Variants in BCAS1 observed in about 807,000 individuals in gnomAD.
BCAS1 encodes brain enriched myelin associated protein 1, also known as breast carcinoma-amplified sequence 1.
A neutral mutation model predicts 65.4 loss-of-function variants in BCAS1; 46 were observed. The observed-to-expected ratio is 0.70, with a 90% CI of 0.55 to 0.90. The LOEUF (loss-of-function observed/expected upper bound fraction) is 0.90. Ranked by LOEUF, BCAS1 falls within the 40% of genes least tolerant of loss-of-function variation. The probability of loss-of-function intolerance (pLI) is 0.00; values close to 1 mark genes in which losing one functional copy is unlikely to be tolerated. For synonymous variants in BCAS1, 298 were observed against 293.5 expected (o/e 1.02, Z -0.16); for missense variants, 793 against 771.2 (o/e 1.03, Z -0.33).
At chr20:53,966,454 A>C (rs769940715) in intron 10 of BCAS1, among the ~76,000 whole-genome samples, 7 of 152,208 alleles carry the variant, frequency 4.6e-5, no homozygotes, top group Non-Finnish European at 8.8e-5. Context: ...AAAAAATGAT[A>C]TAATGGACTT....
chr20:53,975,950 C>G (rs140384405), intron 8 of BCAS1, among the ~76,000 whole-genome samples: 1 of 152,176 alleles, frequency 6.6e-6, no homozygotes, highest in Non-Finnish European at 1.5e-5. Context: ...CAGGGGCCAG[C>G]AGCAGGGGCC....
chr20:54,051,364 T>C (rs554427549), intron 3 of BCAS1, among the ~76,000 whole-genome samples: 2 of 152,306 alleles, frequency 1.3e-5, no homozygotes, highest in Admixed American at 6.5e-5. Context: ...GTGGTCCTAC[T>C]TGAAGTTGTC....
At chr20:54,060,541 C>T (rs1052329390) in intron 1 of BCAS1, among the ~76,000 whole-genome samples, 3 of 150,156 alleles carry the variant, frequency 2.0e-5, no homozygotes, top group East Asian at 2.0e-4. Flanking sequence ...AGACTGGTCT[C>T]GAGTGCCTGG....
chr20:54,029,340 G>T, intron 3 of BCAS1: 1 of 585,788 alleles, frequency 1.7e-6, no homozygotes, highest in Non-Finnish European at 2.2e-6. Context: ...GGGTTCTGGA[G>T]CTAGAACAAG....
At chr20:53,958,734 T>G (rs1292771011) in intron 10 of BCAS1, among the ~76,000 whole-genome samples, 6 of 152,244 alleles carry the variant, frequency 3.9e-5, no homozygotes, top group Non-Finnish European at 7.3e-5. Flanking sequence ...ATTATTTCAT[T>G]TATTCATTAT....
At chr20:53,954,585 G>A (rs1369802401) in intron 11 of BCAS1, among the ~76,000 whole-genome samples, 1 of 152,080 alleles carries the variant, frequency 6.6e-6, no homozygotes, top group African/African-American at 2.4e-5. Flanking sequence ...ATCGTTTTTT[G>A]TCAAACTGAA....
At chr20:54,047,531 T>C (rs1478312799) in intron 3 of BCAS1, among the ~76,000 whole-genome samples, 1 of 152,214 alleles carries the variant, frequency 6.6e-6, no homozygotes, top group Non-Finnish European at 1.5e-5. Flanking sequence ...CCCAGGGCTC[T>C]TGCTCACTCC....
chr20:53,973,166 T>C (rs1600746049), intron 9 of BCAS1, among the ~76,000 whole-genome samples: 1 of 152,092 alleles, frequency 6.6e-6, no homozygotes, highest in Non-Finnish European at 1.5e-5. Flanking sequence ...TGGGTGGAGG[T>C]TGCAGTGAGC....
chr20:53,950,987 A>T (rs569302281), intron 12 of BCAS1, among the ~76,000 whole-genome samples: 43 of 152,352 alleles, frequency 2.8e-4, no homozygotes, highest in African/African-American at 9.9e-4. Context: ...GATTCTAAAT[A>T]TTCTACAAAT....
chr20:54,065,433 C>A (rs754540696), intron 1 of BCAS1, among the ~76,000 whole-genome samples: 3 of 152,196 alleles, frequency 2.0e-5, no homozygotes, highest in Non-Finnish European at 4.4e-5. Flanking sequence ...TTTGGAAATG[C>A]CTGCATGCAG....
Position 53,995,925 on chromosome 20 carries a change from A to C in BCAS1, c.849T>G (p.Asn283Lys). Residue 283 changes from asparagine to lysine, a missense_variant, in exon 5 of 13, where the codon AAT (asparagine) becomes AAG (lysine). Coordinates refer to ENST00000688948, the MANE Select transcript of BCAS1 (RefSeq NM_001366298.2). ...TAAAGAAACTCATGATGGAATTATT[A>C]TTCTCTGCTATAGCTGCTGCCTGGG... ...DDSQAAAIAE[N>K]NNSIMSFFKT... 1 of 1,612,056 alleles carries C rather than the reference A, an allele frequency of 6.2e-7. No individual in the cohort carries two copies. Among genetic ancestry groups the C allele is most frequent in the South Asian group, 1.1e-5 (1 of 90,694 alleles).
At chr20:53,966,756 G>T in intron 10 of BCAS1, 150 bp downstream of exon 10, 3 of 689,292 alleles carry the variant, frequency 4.4e-6, no homozygotes, top group Non-Finnish European at 7.0e-6. Flanking sequence ...AGGAAGAAAG[G>T]GAATTTTCTC....
At chr20:54,016,872 G>A (rs760678937) in intron 4 of BCAS1, among the ~76,000 whole-genome samples, 54 of 152,128 alleles carry the variant, frequency 3.5e-4, no homozygotes, top group Non-Finnish European at 6.8e-4. Context: ...ATTGAACCAA[G>A]CCGGGTTGGA....
Position 53,943,980 on chromosome 20 carries a change from G to A in BCAS1, c.*942C>T, listed in dbSNP as rs1217179844. On this transcript the variant is annotated 3_prime_UTR_variant, in exon 13 of 13. Transcript: ENST00000688948. ...TTTTTTATTTATTTTTTTTTTTTAA[G>A]TTGTAATCTTTGCCGTTGTCACTGA... The A allele has an allele frequency of 2.7e-5, 4 of 150,600 alleles. No individual in the cohort carries two copies. Among genetic ancestry groups the A allele is most frequent in the African/African-American group, 9.8e-5 (4 of 40,716 alleles). The allele number at this position is 150,600 out of a possible 1,614,324, so 9.3% of individuals were successfully genotyped here. A position where few individuals can be genotyped will look rare whatever the true frequency, so the allele number is the denominator to read the frequency against.
At chr20:54,043,970 T>C (rs1381858862) in intron 3 of BCAS1, among the ~76,000 whole-genome samples, 1 of 152,252 alleles carries the variant, frequency 6.6e-6, no homozygotes, top group Admixed American at 6.5e-5. Context: ...CTGCTTTTAT[T>C]GATAAACTTC....
At chr20:54,007,716 A>G (rs537775545) in intron 4 of BCAS1, among the ~76,000 whole-genome samples, 6 of 151,790 alleles carry the variant, frequency 4.0e-5, no homozygotes, top group Non-Finnish European at 8.8e-5. Context: ...CCTTACTTTG[A>G]AATATTTTTT....
At chr20:54,044,462 A>G (rs1185846815) in intron 3 of BCAS1, among the ~76,000 whole-genome samples, 1 of 152,256 alleles carries the variant, frequency 6.6e-6, no homozygotes, top group Non-Finnish European at 1.5e-5. Context: ...TTGTGTCCAG[A>G]GTATCTGTCA....
intron 1 of BCAS1, among the ~76,000 whole-genome samples, chr20:54,067,732 C>T: frequency 6.6e-6 from 1 of 152,206 alleles, no homozygotes; most frequent in Non-Finnish European, 1.5e-5. Flanking sequence ...AACTTCATCA[C>T]CAGCAGGCAG....
chr20:54,041,909 C>CAAAAAAAAAAAAAAAAAA (rs796435949), intron 3 of BCAS1, among the ~76,000 whole-genome samples: 2 of 79,766 alleles, frequency 2.5e-5, no homozygotes, highest in Non-Finnish European at 4.5e-5. Flanking sequence ...CTGTCTCCCC[C>CAAAAAAAAAAAAAAAAAA]AAAAAAAAAA....
Sources: allele counts gnomAD v4.1 joint callset (sites outside exome capture counted in the v4.1 genomes callset), GRCh38; gene constraint gnomAD v4.1.1; transcripts MANE v1.5; gene names NCBI Gene and HGNC (gene_info 2026-07-23, HGNC 2026-07-21).